Variants in STK33 observed in about 807,000 individuals in gnomAD.
STK33 encodes serine/threonine kinase 33.
Under a neutral mutation model 58.0 loss-of-function variants are expected in STK33, and 52 were observed. The ratio of observed to expected loss-of-function variants is 0.90; its 90% CI spans 0.72 to 1.13. The LOEUF is 1.13. Among genes scored for constraint, STK33 ranks in the 50% most tolerant of loss-of-function variants. The pLI is 0.00. For synonymous variants in STK33, 215 were observed against 200.1 expected, an observed-to-expected ratio of 1.07 and a Z score of -0.63; for missense variants, 630 against 604.2, an observed-to-expected ratio of 1.04 and a Z score of -0.45.
intron 11 of STK33, among the ~76,000 whole-genome samples, chr11:8,443,810 G>A (rs1266157840): frequency 2.0e-5 from 3 of 152,112 alleles, no homozygotes; most frequent in South Asian, 2.1e-4. Context: ...ATCAGCCGGG[G>A]CATGAGATCT....
At chr11:8,449,676 GT>G (rs1490682564) in intron 11 of STK33, among the ~76,000 whole-genome samples, 2 of 148,158 alleles carry the variant, frequency 1.3e-5, no homozygotes, top group Non-Finnish European at 2.9e-5. Context: ...TATACCTAAT[GT>G]TAAATGATGA....
chr11:8,434,978 G>T (rs1943887039), intron 14 of STK33, among the ~76,000 whole-genome samples: 2 of 152,162 alleles, frequency 1.3e-5, no homozygotes, highest in African/African-American at 4.8e-5. Context: ...TTCGGGTGCA[G>T]GGATACGAAG....
chr11:8,378,817 A>G, the STK33 span, among the ~76,000 whole-genome samples: 1 of 152,326 alleles, frequency 6.6e-6, no homozygotes, highest in South Asian at 2.1e-4. Context: ...ATGGAACCAA[A>G]AAAGTCCCAA....
At chr11:8,477,424 C>G (rs968521103) in intron 2 of STK33, 141 bp from the exon 3 acceptor site, 2 of 152,050 alleles carry the variant, frequency 1.3e-5, no homozygotes, top group African/African-American at 4.8e-5. Context: ...AGAGAAGTCC[C>G]ATGTCAGATG....
chr11:8,435,418 G>T, intron 14 of STK33, 76 bp downstream of exon 14: 1 of 817,732 alleles, frequency 1.2e-6, no homozygotes, highest in Non-Finnish European at 1.7e-6. Flanking sequence ...AGACTATGAA[G>T]AAAACTCCAA....
chr11:8,425,337 T>C (rs1359921480), intron 14 of STK33, among the ~76,000 whole-genome samples: 4 of 152,186 alleles, frequency 2.6e-5, no homozygotes, highest in Admixed American at 6.5e-5. Context: ...TCTGTTCCAG[T>C]GGTCTACATC....
At chr11:8,447,892 T>C (rs945712337) in intron 11 of STK33, among the ~76,000 whole-genome samples, 5 of 152,162 alleles carry the variant, frequency 3.3e-5, no homozygotes, top group Admixed American at 6.6e-5. Context: ...AAAACCCCAC[T>C]GTCTCAGCCT....
chr11:8,575,929 T>A (rs1958150632), intron 1 of STK33, among the ~76,000 whole-genome samples: 1 of 152,098 alleles, frequency 6.6e-6, no homozygotes. Context: ...ATGGAGTACC[T>A]TACAAGTCTT....
intron 12 of STK33, among the ~76,000 whole-genome samples, chr11:8,437,882 T>C (rs918138005): frequency 6.6e-6 from 1 of 152,210 alleles, no homozygotes; most frequent in Non-Finnish European, 1.5e-5. Context: ...TTAATACTTT[T>C]TATCTCTCTA....
At chr11:8,386,686 C>A in the STK33 span, among the ~76,000 whole-genome samples, 5 of 152,282 alleles carry the variant, frequency 3.3e-5, no homozygotes, top group Admixed American at 1.3e-4. Context: ...TGAACCAGGA[C>A]GGTGTCAATG....
In STK33 at chr11:8,522,810, C is replaced by G. The variant is rs552440082; in HGVS notation, c.-465-42196G>C. Among the ~76,000 whole-genome samples, 6 of 152,278 alleles carry G rather than the reference C, an allele frequency of 3.9e-5. No individual in the cohort carries two copies. The South Asian group carries it at 6.2e-4, about 16-fold the overall frequency. On this transcript the variant is annotated intron_variant, in intron 1 of 15. Coordinates refer to ENST00000687296, the MANE Select transcript of STK33 (RefSeq NM_001352389.2). Reference sequence around the variant, plus strand: ...TTTCTACGGTCTCCCTCTCCCTCGTCTCCCCTTTCCACGGTCTCCCTCTGA... The same window carrying G: ...TTTCTACGGTCTCCCTCTCCCTCGTGTCCCCTTTCCACGGTCTCCCTCTGA...
At chr11:8,361,991 G>A in the STK33 span, among the ~76,000 whole-genome samples, 13 of 152,172 alleles carry the variant, frequency 8.5e-5, no homozygotes, top group Non-Finnish European at 1.8e-4. This position sits in a 1 kb window ranked among gnomAD's most constrained non-coding sequence, Gnocchi z 4.8. Context: ...TATCTCGGCT[G>A]CCTCATTGCC....
chr11:8,425,654 A>G (rs142824169), intron 14 of STK33, among the ~76,000 whole-genome samples: 1 of 152,162 alleles, frequency 6.6e-6, no homozygotes, highest in African/African-American at 2.4e-5. Context: ...TTCTGCTTCA[A>G]ATATGCTTCT....
chr11:8,519,767 C>G (rs1953209472), intron 1 of STK33, among the ~76,000 whole-genome samples: 1 of 152,168 alleles, frequency 6.6e-6, no homozygotes, highest in Non-Finnish European at 1.5e-5. Flanking sequence ...TTCCTGGACA[C>G]ATACACCCTC....
At chr11:8,445,177 C>G (rs958058148) in intron 11 of STK33, among the ~76,000 whole-genome samples, 2 of 151,912 alleles carry the variant, frequency 1.3e-5, no homozygotes, top group Admixed American at 1.3e-4. Flanking sequence ...CGATTTGGCT[C>G]TCTGTCTGTT....
intron 1 of STK33, among the ~76,000 whole-genome samples, chr11:8,579,606 G>A (rs1391776574): frequency 2.0e-5 from 3 of 151,790 alleles, no homozygotes; most frequent in Non-Finnish European, 4.4e-5. Context: ...GAAGAGAAGC[G>A]ACTTGCCAAA....
At chr11:8,544,485 T>G (rs1955764901) in intron 1 of STK33, among the ~76,000 whole-genome samples, 1 of 151,352 alleles carries the variant, frequency 6.6e-6, no homozygotes, top group South Asian at 2.1e-4. Context: ...TAAATTTTAT[T>G]TTTTCTTTAT....
intron 6 of STK33, among the ~76,000 whole-genome samples, chr11:8,469,826 C>T (rs917411311): frequency 4.6e-5 from 7 of 152,152 alleles, no homozygotes; most frequent in East Asian, 1.9e-4. Flanking sequence ...GGTGACCAGG[C>T]GCATTGTCAA....
At chr11:8,569,681 G>A (rs1350834228) in intron 1 of STK33, among the ~76,000 whole-genome samples, 2 of 152,206 alleles carry the variant, frequency 1.3e-5, no homozygotes, top group African/African-American at 4.8e-5. Context: ...AGGTGGCCAG[G>A]AATGGTGGCT....
Sources: allele counts gnomAD v4.1 joint callset (sites outside exome capture counted in the v4.1 genomes callset), GRCh38; gene constraint gnomAD v4.1.1; non-coding constraint Gnocchi (gnomAD v3.1); transcripts MANE v1.5; gene names NCBI Gene and HGNC (gene_info 2026-07-23, HGNC 2026-07-21).